Variants in ANKRD11 observed in about 807,000 individuals in gnomAD.
The protein encoded by ANKRD11 is ankyrin repeat domain 11.
A neutral mutation model predicts 195.7 loss-of-function variants in ANKRD11; 17 were observed. The observed-to-expected ratio is 0.09, with a 90% CI of 0.06 to 0.13. ANKRD11 has a LOEUF of 0.13. Among genes scored for constraint, ANKRD11 ranks in the 10% least tolerant of loss-of-function variants. The pLI is 1.00. For missense variants in ANKRD11, 3,735 were observed against 3,566.1 expected (o/e 1.05, Z -1.21); for synonymous variants, 1,953 against 1,528.1 (o/e 1.28, Z -6.49).
intron 1 of ANKRD11, among the ~76,000 whole-genome samples, chr16:89,480,404 G>C (rs966292133): frequency 2.0e-5 from 3 of 151,030 alleles, no homozygotes; most frequent in Non-Finnish European, 4.4e-5. Context: ...GTGAACCCAG[G>C]AGGCGGAGGT....
At chr16:89,387,628 G>A (rs1364581872) in intron 2 of ANKRD11, among the ~76,000 whole-genome samples, 1 of 146,742 alleles carries the variant, frequency 6.8e-6, no homozygotes, top group African/African-American at 2.5e-5. Context: ...AGCCGAGACT[G>A]CACCACTGCA....
At chr16:89,300,488 GCT>G (rs2035782302) in intron 4 of ANKRD11, 1 of 215,118 alleles carries the variant, frequency 4.6e-6, no homozygotes, top group Admixed American at 5.9e-5. Flanking sequence ...GCTGCACTCT[GCT>G]CTCTCTGCCC....
At chr16:89,398,450 G>T (rs1383312468) in intron 2 of ANKRD11, among the ~76,000 whole-genome samples, 1 of 137,548 alleles carries the variant, frequency 7.3e-6, no homozygotes, top group Non-Finnish European at 1.6e-5. Context: ...TGAAACAGCT[G>T]AAGATTACCT....
At chr16:89,355,302 G>A (rs1597762612) in intron 2 of ANKRD11, among the ~76,000 whole-genome samples, 1 of 152,094 alleles carries the variant, frequency 6.6e-6, no homozygotes, top group East Asian at 1.9e-4. Flanking sequence ...CGGAAGGCGG[G>A]CGGACGGCTC....
At chr16:89,461,011 C>T (rs1484703103) in intron 1 of ANKRD11, among the ~76,000 whole-genome samples, 1 of 113,700 alleles carries the variant, frequency 8.8e-6, no homozygotes, top group Non-Finnish European at 1.7e-5. Context: ...TGGTGACATT[C>T]ATAACAGAAG....
intron 1 of ANKRD11, among the ~76,000 whole-genome samples, chr16:89,430,482 A>T (rs1035928621): frequency 2.0e-5 from 3 of 147,340 alleles, no homozygotes; most frequent in Admixed American, 2.0e-4. Context: ...GGGACTCTCA[A>T]CTCTCACGCT....
At chr16:89,443,092 A>G (rs896038834) in intron 1 of ANKRD11, among the ~76,000 whole-genome samples, 6 of 152,170 alleles carry the variant, frequency 3.9e-5, no homozygotes, top group Admixed American at 3.3e-4. Flanking sequence ...TCCCAGGCCC[A>G]AGCAATTCTC....
At chr16:89,372,667 A>T (rs1035566044) in intron 2 of ANKRD11, among the ~76,000 whole-genome samples, 1 of 152,232 alleles carries the variant, frequency 6.6e-6, no homozygotes, top group African/African-American at 2.4e-5. Flanking sequence ...AACATGAACA[A>T]GTGCAAGGAG....
At chr16:89,401,227 C>T (rs943690089) in intron 2 of ANKRD11, among the ~76,000 whole-genome samples, 1 of 152,000 alleles carries the variant, frequency 6.6e-6, no homozygotes, top group African/African-American at 2.4e-5. Context: ...CCAAGACGGC[C>T]GCCACCACGC....
chr16:89,369,122 C>A (rs1389744915), intron 2 of ANKRD11, among the ~76,000 whole-genome samples: 1 of 152,106 alleles, frequency 6.6e-6, no homozygotes, highest in Non-Finnish European at 1.5e-5. Context: ...TGACAATCTA[C>A]CCTAGAAAGG....
Position 89,284,234 on chromosome 16 carries a change from T to C in ANKRD11, c.2308A>G (p.Lys770Glu). The C allele has an allele frequency of 6.2e-7, 1 of 1,613,308 alleles. No individual in the cohort carries two copies. The highest frequency in any genetic ancestry group is 8.5e-7 in the Non-Finnish European group (1 of 1,179,924). Reference sequence around the variant, plus strand: ...TTCTCTAATTTTGAGGGCCGGTCTTTTGATTTCTTCTTTCTCTCCTCTTTG... The same window carrying C: ...TTCTCTAATTTTGAGGGCCGGTCTTCTGATTTCTTCTTTCTCTCCTCTTTG... ...LYKEERKKKS[K>E]DRPSKLEKKN... is the part of the protein sequence containing the mutation. The change falls in exon 9 of 13, where the codon AAA becomes GAA. Residue 770 changes from lysine (K) to glutamate (E), a missense_variant. Coordinates refer to ENST00000301030, the MANE Select transcript of ANKRD11 (RefSeq NM_013275.6).
chr16:89,315,170 T>C (rs2036872009), intron 3 of ANKRD11, among the ~76,000 whole-genome samples: 1 of 152,142 alleles, frequency 6.6e-6, no homozygotes, highest in Non-Finnish European at 1.5e-5. Context: ...GCATGGAGCA[T>C]GCTGAAGCCG....
chr16:89,300,306 G>C (rs1347653202), intron 4 of ANKRD11: 2 of 216,972 alleles, frequency 9.2e-6, no homozygotes, highest in Non-Finnish European at 1.9e-5. Context: ...TTCCCGCCGT[G>C]TGTTGCTAAC....
At chr16:89,467,814 T>C (rs1464411870) in intron 1 of ANKRD11, among the ~76,000 whole-genome samples, 1 of 152,100 alleles carries the variant, frequency 6.6e-6, no homozygotes, top group Non-Finnish European at 1.5e-5. Flanking sequence ...TTTTGTTTGT[T>C]TGTTGAGACA....
intron 9 of ANKRD11, chr16:89,278,700 G>A (rs186687230): frequency 2.3e-5 from 11 of 488,558 alleles, no homozygotes; most frequent in East Asian, 5.9e-5. Context: ...GCGGGGCAGG[G>A]GCAGGAGACA....
intron 1 of ANKRD11, among the ~76,000 whole-genome samples, chr16:89,457,555 G>A (rs1050857956): frequency 1.6e-4 from 23 of 145,254 alleles, no homozygotes; most frequent in Non-Finnish European, 2.4e-4. Context: ...CTGAGATCGC[G>A]CCACTGCACT....
At chr16:89,485,116 A>G (rs2057564154) in intron 1 of ANKRD11, among the ~76,000 whole-genome samples, 1 of 152,134 alleles carries the variant, frequency 6.6e-6, no homozygotes, top group Non-Finnish European at 1.5e-5. Flanking sequence ...TCAGCCATAC[A>G]GACAGGACGG....
At chr16:89,415,829 C>CAAACAAAAAA (rs1343927982) in intron 2 of ANKRD11, among the ~76,000 whole-genome samples, 22 of 39,740 alleles carry the variant, frequency 5.5e-4, no homozygotes, top group African/African-American at 2.0e-3. Context: ...GACTCTGTCT[C>CAAACAAAAAA]AAAAAAAAAA....
intron 2 of ANKRD11, among the ~76,000 whole-genome samples, chr16:89,334,449 T>A (rs1343913301): frequency 6.6e-6 from 1 of 152,046 alleles, no homozygotes; most frequent in Non-Finnish European, 1.5e-5. Context: ...AGTCCTCTCT[T>A]CCTCCACTGC....
Sources: gnomAD v4.1 joint callset for allele counts (sites outside exome capture counted in the v4.1 genomes callset) on GRCh38, gnomAD v4.1.1 for gene constraint, MANE v1.5 for transcripts, NCBI Gene and HGNC (gene_info 2026-07-23, HGNC 2026-07-21) for gene names.